Variants in HERC4 observed in about 807,000 individuals in gnomAD.
The protein encoded by HERC4 is probable E3 ubiquitin-protein ligase HERC4.
Under a neutral mutation model 124.3 loss-of-function variants are expected in HERC4, and 28 were observed. That is an observed-to-expected ratio of 0.23 (90% CI 0.17 to 0.31). The LOEUF is 0.31. HERC4 is among the 10% of genes least tolerant of loss of function. The pLI, the probability that HERC4 is intolerant of heterozygous loss-of-function variation, is 1.00. For missense variants in HERC4, 713 were observed against 1,229.3 expected, an observed-to-expected ratio of 0.58 and a Z score of 6.28; for synonymous variants, 407 against 421.5, an observed-to-expected ratio of 0.97 and a Z score of 0.42.
chr10:68,017,536 T>A (rs751555729), intron 8 of HERC4, among the ~76,000 whole-genome samples: 7 of 152,242 alleles, frequency 4.6e-5, no homozygotes, highest in Non-Finnish European at 8.8e-5. Context: ...CAGGCTGGAG[T>A]GCAGTGGTGC....
intron 3 of HERC4, among the ~76,000 whole-genome samples, chr10:68,047,124 T>C (rs1258654251): frequency 6.8e-6 from 1 of 146,786 alleles, no homozygotes; most frequent in Non-Finnish European, 1.5e-5. Flanking sequence ...AAAAAACTGA[T>C]GAAAAAAATC....
In HERC4 at chr10:68,059,838, T is replaced by TATTATATTATATATC. The variant is rs1564609789; in HGVS notation, c.226+13044_226+13045insGATATATAATATAAT. Among the ~76,000 whole-genome samples, 2 of 54,520 alleles carry TATTATATTATATATC rather than the reference T, an allele frequency of 3.7e-5. 1 individual carries two copies. The highest frequency in any genetic ancestry group is 6.6e-4 in the African/African-American group (2 of 3,018). The allele number at this position is 54,520 out of a possible 152,430, so 35.8% of individuals were successfully genotyped here. A position where few individuals can be genotyped will look rare whatever the true frequency, so the allele number is the denominator to read the frequency against. ...TATTATATATCATAATATTATATAT[T>TATTATATTATATATC]ATAATATATTATATATCATAATATT... On this transcript the variant is annotated intron_variant, in intron 3 of 24. Coordinates refer to ENST00000373700, the MANE Select transcript of HERC4 (RefSeq NM_015601.4).
At chr10:68,039,533 G>A in intron 4 of HERC4, 1 of 1,548,386 alleles carries the variant, frequency 6.5e-7, no homozygotes, top group Non-Finnish European at 8.7e-7. Flanking sequence ...GAGTTACTCT[G>A]ATTCCATATT....
rs114661831 is a variant in HERC4 at position 68,005,174 on chromosome 10, C to T, written c.1069+8852G>A. 5.8e-3 allele frequency among the ~76,000 whole-genome samples: 890 copies of T among 152,224 alleles called. 12 individuals are homozygous for T. Among genetic ancestry groups the T allele is most frequent in the African/African-American group, 0.021 (855 of 41,530 alleles). On this transcript the variant is annotated intron_variant, in intron 9 of 24. Coordinates refer to ENST00000373700, the MANE Select transcript of HERC4 (RefSeq NM_015601.4). ...ATGCTGTAATTTTATTGGGGTCTGT[C>T]TCTTGTTAGCTCTAACAATATCCGC...
intron 3 of HERC4, among the ~76,000 whole-genome samples, chr10:68,057,101 T>C (rs991273306): frequency 2.0e-4 from 30 of 152,286 alleles, no homozygotes; most frequent in Admixed American, 2.0e-3. Flanking sequence ...ATTTCAAACA[T>C]CCATGTAATA....
At chr10:68,010,669 G>A in intron 9 of HERC4, 1 of 1,471,148 alleles carries the variant, frequency 6.8e-7, no homozygotes. Flanking sequence ...CACTTCTGCA[G>A]CAAGGGCCGC....
intron 9 of HERC4, among the ~76,000 whole-genome samples, chr10:68,013,734 T>C (rs539535223): frequency 6.6e-6 from 1 of 152,344 alleles, no homozygotes; most frequent in Non-Finnish European, 1.5e-5. Context: ...GTGTATATTT[T>C]ACCACAATTT....
intron 21 of HERC4, among the ~76,000 whole-genome samples, chr10:67,936,510 T>C (rs1427381126): frequency 3.9e-5 from 6 of 152,202 alleles, no homozygotes; most frequent in Non-Finnish European, 8.8e-5. Flanking sequence ...AACTTTAGAA[T>C]TGTTACTATA....
intron 22 of HERC4, among the ~76,000 whole-genome samples, chr10:67,933,547 C>A (rs911790161): frequency 6.6e-6 from 1 of 152,078 alleles, no homozygotes; most frequent in African/African-American, 2.4e-5. Flanking sequence ...ATATCTTTGT[C>A]TTCCAAGTAA....
At chr10:67,926,926 C>T (rs2031047633) in intron 23 of HERC4, among the ~76,000 whole-genome samples, 1 of 152,202 alleles carries the variant, frequency 6.6e-6, no homozygotes, top group Non-Finnish European at 1.5e-5. Context: ...TATCTTATTT[C>T]CTGCCCTCTC....
intron 9 of HERC4, chr10:67,994,037 C>T (rs2132815955): frequency 6.6e-6 from 1 of 152,216 alleles, no homozygotes; most frequent in Admixed American, 6.5e-5. Flanking sequence ...CCTGTCCATA[C>T]AAATATGCAA....
At chr10:67,990,866 A>G in intron 13 of HERC4, 38 bp downstream of exon 13, 2 of 1,339,260 alleles carry the variant, frequency 1.5e-6, no homozygotes, top group Non-Finnish European at 2.1e-6. Flanking sequence ...AACAAAATCA[A>G]CAGATAATAC....
intron 23 of HERC4, among the ~76,000 whole-genome samples, chr10:67,930,721 A>G (rs894044587): frequency 6.6e-6 from 1 of 152,216 alleles, no homozygotes; most frequent in African/African-American, 2.4e-5. Context: ...AATTTCACAT[A>G]TATCTTCCTC....
chr10:67,933,261 C>A (rs182182185), intron 22 of HERC4, among the ~76,000 whole-genome samples: 124 of 152,180 alleles, frequency 8.1e-4, no homozygotes, highest in Non-Finnish European at 1.1e-3. Context: ...TTAACAAATG[C>A]CTAAGAGAGG....
At chr10:68,010,617 C>A in intron 9 of HERC4, 10 of 1,383,528 alleles carry the variant, frequency 7.2e-6, no homozygotes, top group Non-Finnish European at 1.0e-5. Context: ...TTCGGCTTTG[C>A]ATATCTCCTG....
At chr10:68,047,940 T>G (rs568448597) in intron 3 of HERC4, among the ~76,000 whole-genome samples, 19 of 152,118 alleles carry the variant, frequency 1.2e-4, no homozygotes, top group African/African-American at 3.9e-4. Flanking sequence ...TTTTTTTTTT[T>G]GTGAGACAGG....
chr10:68,019,299 C>CCAAA (rs999801482), intron 8 of HERC4, among the ~76,000 whole-genome samples: 2 of 151,826 alleles, frequency 1.3e-5, no homozygotes, highest in African/African-American at 4.8e-5. Context: ...CCCGGTCCAG[C>CCAAA]CAAAGCATTC....
intron 17 of HERC4, chr10:67,956,199 A>T (rs1317603218): frequency 6.6e-6 from 1 of 152,212 alleles, no homozygotes; most frequent in Non-Finnish European, 1.5e-5. Flanking sequence ...CAGATATTCT[A>T]TACCAGAGGA....
In HERC4 at chr10:68,014,013, T is replaced by C. The variant is rs2038121666; in HGVS notation, c.1069+13A>G. The stretch of plus-strand genomic sequence containing the variant: ...CAATATATGAAGGAAAGCTTTAATA[T>C]GACAGAACTTACCAATATCTGGTAG... On this transcript the variant is annotated intron_variant, in intron 9 of 24. Transcript: ENST00000373700. The C allele has an allele frequency of 1.3e-6, 2 of 1,575,110 alleles. No individual in the cohort carries two copies. The highest frequency in any genetic ancestry group is 1.7e-6 in the Non-Finnish European group (2 of 1,163,042).
Sources: gnomAD v4.1 joint callset for allele counts (sites outside exome capture counted in the v4.1 genomes callset) on GRCh38, gnomAD v4.1.1 for gene constraint, MANE v1.5 for transcripts, NCBI Gene and HGNC (gene_info 2026-07-23, HGNC 2026-07-21) for gene names.